Variants in TENM1 observed in about 807,000 individuals in gnomAD.
TENM1 encodes teneurin-1.
A neutral mutation model predicts 174.8 loss-of-function variants in TENM1; 35 were observed. The ratio of observed to expected loss-of-function variants is 0.20; its 90% CI spans 0.15 to 0.27. The LOEUF is 0.27. TENM1 is among the 10% of genes least tolerant of loss of function. TENM1 has a pLI of 1.00. For missense variants in TENM1, 1,633 were observed against 2,130.1 expected, an observed-to-expected ratio of 0.77 and a Z score of 4.59; for synonymous variants, 781 against 798.7, an observed-to-expected ratio of 0.98 and a Z score of 0.37.
chrX:124,828,246 T>C (rs982322358), intron 3 of TENM1, among the ~76,000 whole-genome samples: 5 of 112,368 alleles, frequency 4.4e-5, no homozygotes, highest in Non-Finnish European at 1.9e-5. Context: ...TCTGCTCTGA[T>C]ATTAATACCT....
chrX:125,096,882 TAA>T, the TENM1 span, among the ~76,000 whole-genome samples: 4 of 100,268 alleles, frequency 4.0e-5, no homozygotes, highest in Admixed American at 3.2e-4. Flanking sequence ...AGTAATGATT[TAA>T]AAAAAAAAAA....
At chrX:124,397,500 T>C (rs777051889) in intron 27 of TENM1, among the ~76,000 whole-genome samples, 2 of 112,469 alleles carry the variant, frequency 1.8e-5, no homozygotes, top group Non-Finnish European at 3.8e-5. Flanking sequence ...ACAACTGTGT[T>C]ACTTGTTTAA....
chrX:124,586,278 A>G (rs2049510064), intron 11 of TENM1, among the ~76,000 whole-genome samples: 1 of 110,702 alleles, frequency 9.0e-6, no homozygotes, highest in Admixed American at 9.6e-5. Flanking sequence ...TATTGATGCA[A>G]AAATCCTCAA....
At chrX:125,008,945 C>T in the TENM1 span, among the ~76,000 whole-genome samples, 3 of 110,636 alleles carry the variant, frequency 2.7e-5, no homozygotes, top group African/African-American at 6.6e-5. Flanking sequence ...GATCTGAAGT[C>T]GACACCCTAA....
the TENM1 span, among the ~76,000 whole-genome samples, chrX:125,202,435 G>C: frequency 8.9e-6 from 1 of 112,001 alleles, no homozygotes; most frequent in Non-Finnish European, 1.9e-5. Flanking sequence ...GTAGCACTGA[G>C]AACTTCTCTT....
At chrX:124,948,962 G>T (rs2058442747) in intron 1 of TENM1, among the ~76,000 whole-genome samples, 1 of 112,047 alleles carries the variant, frequency 8.9e-6, no homozygotes, top group East Asian at 2.8e-4. Context: ...TGTTAAACCT[G>T]TTTCCACTAT....
Position 124,465,776 on chromosome X carries a change from A to G in TENM1, c.3950-12285T>C, listed in dbSNP as rs779400013. 6.3e-5 allele frequency among the ~76,000 whole-genome samples: 7 copies of G among 110,326 alleles called. No individual in the cohort carries two copies. In the East Asian group the frequency reaches 1.7e-3, roughly 27 times the overall value. ...GTCTGCGAATCCCCGTGGTATTTAA[A>G]GTTGATGCATGCAACCTAATTCTGT... On this transcript the variant is annotated intron_variant, in intron 22 of 31. Coordinates refer to ENST00000422452, the Ensembl canonical transcript of TENM1.
At chrX:124,887,122 T>C (rs1346461070) in intron 3 of TENM1, among the ~76,000 whole-genome samples, 2 of 111,077 alleles carry the variant, frequency 1.8e-5, no homozygotes, top group African/African-American at 6.5e-5. Context: ...CTACTTCTAA[T>C]AAATTATACA....
At chrX:124,442,615 G>A (rs763206671) in intron 23 of TENM1, among the ~76,000 whole-genome samples, 2 of 112,095 alleles carry the variant, frequency 1.8e-5, no homozygotes, top group Non-Finnish European at 3.8e-5. Context: ...GACAATGACA[G>A]ATGTTAGGCA....
At chrX:125,079,819 C>T in the TENM1 span, among the ~76,000 whole-genome samples, 7 of 111,613 alleles carry the variant, frequency 6.3e-5, no homozygotes, top group Admixed American at 9.5e-5. Flanking sequence ...CAGCTGTGCA[C>T]TCACATCTGT....
intron 3 of TENM1, among the ~76,000 whole-genome samples, chrX:124,787,750 C>T (rs2055074988): frequency 8.9e-6 from 1 of 112,078 alleles, no homozygotes; most frequent in African/African-American, 3.2e-5. Flanking sequence ...CTCCAGTTCC[C>T]TAAAGGTGTG....
chrX:124,741,719 T>C (rs2053803762), intron 3 of TENM1, among the ~76,000 whole-genome samples: 1 of 112,010 alleles, frequency 8.9e-6, no homozygotes, highest in Admixed American at 9.5e-5. Context: ...CGGAAACTTC[T>C]AAATACCAGA....
chrX:124,744,705 G>A (rs1677481122), intron 3 of TENM1, among the ~76,000 whole-genome samples: 1 of 111,784 alleles, frequency 8.9e-6, no homozygotes, highest in Non-Finnish European at 1.9e-5. Flanking sequence ...CAATCTTCAA[G>A]TTCATTATTT....
At chrX:124,977,520 C>T in the TENM1 span, among the ~76,000 whole-genome samples, 586 of 110,904 alleles carry the variant, frequency 5.3e-3, 2 homozygotes, top group South Asian at 0.035. Context: ...TTCAATGATT[C>T]GGGGTTCATT....
intron 14 of TENM1, among the ~76,000 whole-genome samples, chrX:124,560,386 T>A (rs981882999): frequency 9.0e-6 from 1 of 110,615 alleles, no homozygotes; most frequent in African/African-American, 3.3e-5. Flanking sequence ...ATCAATATCA[T>A]CTTAATTCTA....
At chrX:124,973,660 G>T in the TENM1 span, among the ~76,000 whole-genome samples, 1 of 111,605 alleles carries the variant, frequency 9.0e-6, no homozygotes, top group Non-Finnish European at 1.9e-5. Flanking sequence ...TATTCTCTTT[G>T]TAGCAATTGT....
chrX:124,826,876 A>G (rs2056174480), intron 3 of TENM1, among the ~76,000 whole-genome samples: 1 of 111,557 alleles, frequency 9.0e-6, no homozygotes, highest in Admixed American at 9.5e-5. Context: ...GGAAGGTCAC[A>G]CTTTTTGCTC....
the TENM1 span, among the ~76,000 whole-genome samples, chrX:125,142,119 C>T: frequency 3.6e-5 from 4 of 112,007 alleles, no homozygotes; most frequent in Non-Finnish European, 1.9e-5. Context: ...AAATAAGAGG[C>T]TGGGCTATGC....
At chrX:125,181,064 A>C in the TENM1 span, among the ~76,000 whole-genome samples, 37 of 111,949 alleles carry the variant, frequency 3.3e-4, no homozygotes, top group African/African-American at 1.2e-3. Flanking sequence ...TTACTATAGC[A>C]AGAATAGTGG....
Sources: gnomAD v4.1 joint callset for allele counts (sites outside exome capture counted in the v4.1 genomes callset) on GRCh38, gnomAD v4.1.1 for gene constraint, MANE v1.5 for transcripts, NCBI Gene and HGNC (gene_info 2026-07-23, HGNC 2026-07-21) for gene names.